The following MYO1E variants were observed in gnomAD, a reference collection of about 807,000 sequenced individuals.
MYO1E encodes the protein myosin IE, also known as unconventional myosin-Ie.
In MYO1E, 68 loss-of-function variants were observed where a neutral mutation model predicts 151.1. The observed-to-expected ratio is 0.45, with a 90% confidence interval of 0.37 to 0.55. MYO1E has a LOEUF of 0.55. MYO1E is among the 20% of genes least tolerant of loss of function. The pLI is 0.00. For missense variants in MYO1E, 1,363 were observed against 1,389.3 expected, an observed-to-expected ratio of 0.98 and a Z score of 0.30; for synonymous variants, 601 against 501.7, an observed-to-expected ratio of 1.20 and a Z score of -2.64.
chr15:59,218,030 A>G lies in MYO1E; in HGVS notation c.968T>C (p.Leu323Pro). ...CTTGCTATCCATCTGCCGGCTTGTT[A>G]GCTTTTCTTTCAACCGGTCCTGGTT... ...GINQDRLKEK[L>P]TSRQMDSKWG... is the part of the protein sequence containing the mutation. Residue 323 changes from leucine (L) to proline (P), a missense_variant, in exon 10 of 28, where the codon CTA becomes CCA. By Grantham distance (98) the Leu-to-Pro change is moderately conservative. Coordinates refer to ENST00000288235, the MANE Select transcript of MYO1E (RefSeq NM_004998.4). The G allele has an allele frequency of 6.2e-7, 1 of 1,614,192 alleles. No homozygotes were observed. The highest frequency in any genetic ancestry group is 8.5e-7 in the Non-Finnish European group (1 of 1,180,034).
intron 4 of MYO1E, among the ~76,000 whole-genome samples, chr15:59,248,859 T>G (rs2080146986): frequency 6.6e-6 from 1 of 152,202 alleles, no homozygotes. Context: ...AATTCACCCC[T>G]CTATCCAGCG....
chr15:59,174,289 C>A, intron 19 of MYO1E, 49 bp from the exon 20 acceptor site: 1 of 1,320,440 alleles, frequency 7.6e-7, no homozygotes, highest in Non-Finnish European at 1.1e-6. Flanking sequence ...AGCCCCAATC[C>A]CTGAACAACA....
At chr15:59,215,615 A>C (rs1301818866) in intron 10 of MYO1E, among the ~76,000 whole-genome samples, 5 of 152,210 alleles carry the variant, frequency 3.3e-5, no homozygotes, top group African/African-American at 9.6e-5. Context: ...TACCTGGACG[A>C]ATTCTGAAGT....
At chr15:59,183,197 G>T (rs1183506368) in intron 18 of MYO1E, among the ~76,000 whole-genome samples, 1 of 152,112 alleles carries the variant, frequency 6.6e-6, no homozygotes, top group Non-Finnish European at 1.5e-5. Flanking sequence ...CTGCTCTCCT[G>T]AGATGGCAGC....
intron 1 of MYO1E, among the ~76,000 whole-genome samples, chr15:59,362,959 C>T (rs1342415338): frequency 6.7e-6 from 1 of 148,948 alleles, no homozygotes; most frequent in Admixed American, 6.8e-5. Context: ...GATTAGAGAG[C>T]CTTCTAGTAT....
chr15:59,205,950 G>T (rs1193103641), intron 14 of MYO1E, among the ~76,000 whole-genome samples: 1 of 152,138 alleles, frequency 6.6e-6, no homozygotes, highest in African/African-American at 2.4e-5. Context: ...CCCAGAAGTG[G>T]TATCAAAGTT....
At chr15:59,171,871 C>T in intron 22 of MYO1E, 26 bp downstream of exon 22, 1 of 1,614,070 alleles carries the variant, frequency 6.2e-7, no homozygotes, top group Non-Finnish European at 8.5e-7. Flanking sequence ...AAGGGGCAGT[C>T]CTGCCTCTGC....
intron 27 of MYO1E, among the ~76,000 whole-genome samples, chr15:59,137,699 T>C (rs1036946584): frequency 6.6e-6 from 1 of 152,204 alleles, no homozygotes; most frequent in African/African-American, 2.4e-5. Context: ...TTCCACTCCA[T>C]CCACTTTCAT....
chr15:59,184,595 A>C (rs1464018818), intron 18 of MYO1E, among the ~76,000 whole-genome samples: 5 of 151,992 alleles, frequency 3.3e-5, no homozygotes, highest in African/African-American at 1.2e-4. Flanking sequence ...TTGTGATCTC[A>C]AGTGATCTGC....
At position 59,209,815 on chromosome 15, in the gene MYO1E, C is replaced by CTTTTTTTTTTTTTTTTTTTTTTTTTTTT. The variant is rs71119441; in HGVS notation, c.1362+671_1362+698dup. On this transcript the variant is annotated intron_variant, in intron 13 of 27. Coordinates refer to ENST00000288235, the MANE Select transcript of MYO1E (RefSeq NM_004998.4). ...CTGTATCACTTTTATTTTGAATCAC[C>CTTTTTTTTTTTTTTTTTTTTTTTTTTTT]TTTTTTTTTTTTTTTTTTTTTTTTT... is the stretch of plus-strand genomic sequence containing the variant. Among the ~76,000 whole-genome samples the CTTTTTTTTTTTTTTTTTTTTTTTTTTTT allele has an allele frequency of 4.2e-4, 21 of 49,840 alleles. 4 individuals are homozygous for CTTTTTTTTTTTTTTTTTTTTTTTTTTTT. Among genetic ancestry groups the CTTTTTTTTTTTTTTTTTTTTTTTTTTTT allele is most frequent in the African/African-American group, 6.0e-4 (6 of 9,958 alleles). The allele number at this position is 49,840 out of a possible 152,430, so 32.7% of individuals were successfully genotyped here.
rs559708361 is a variant in MYO1E at position 59,279,317 on chromosome 15, G to T, written c.4-6868C>A. ...AAGAGCTGGCCCCCGGTGGAGAAGT[G>T]TTCCACCACTAGAGCAAACATATAA... On this transcript the variant is annotated intron_variant, in intron 1 of 27. Transcript: ENST00000288235. 3.3e-5 allele frequency among the ~76,000 whole-genome samples: 5 copies of T among 152,232 alleles called. No homozygotes were observed. In the South Asian group the frequency reaches 1.0e-3, roughly 32 times the overall value.
At chr15:59,277,667 A>G (rs772486384) in intron 1 of MYO1E, among the ~76,000 whole-genome samples, 1 of 152,186 alleles carries the variant, frequency 6.6e-6, no homozygotes, top group Non-Finnish European at 1.5e-5. Context: ...AAGGTTGTTC[A>G]CTGTAGCAAA....
chr15:59,195,357 C>T, intron 17 of MYO1E, 104 bp downstream of exon 17: 1 of 994,510 alleles, frequency 1.0e-6, no homozygotes, highest in Admixed American at 1.8e-5. Flanking sequence ...ATGACAAAGA[C>T]ATGTGCGGAC....
intron 14 of MYO1E, chr15:59,207,401 C>T (rs756211974): frequency 1.8e-5 from 29 of 1,613,908 alleles, no homozygotes; most frequent in South Asian, 3.3e-5. Flanking sequence ...AAGGGAGAAA[C>T]GCGCCTTAAT....
chr15:59,322,010 C>CA (rs754593990), intron 1 of MYO1E, among the ~76,000 whole-genome samples: 1 of 151,896 alleles, frequency 6.6e-6, no homozygotes, highest in Admixed American at 6.6e-5. Context: ...CCCAACTTTA[C>CA]AAAAGTACGA....
intron 1 of MYO1E, among the ~76,000 whole-genome samples, chr15:59,312,410 C>T (rs918240062): frequency 5.9e-5 from 9 of 152,070 alleles, no homozygotes; most frequent in Admixed American, 2.0e-4. Context: ...GCCACTGGGA[C>T]GAGGGGGACT....
chr15:59,333,665 C>T (rs548023524), intron 1 of MYO1E, among the ~76,000 whole-genome samples: 25 of 152,316 alleles, frequency 1.6e-4, no homozygotes, highest in African/African-American at 5.5e-4. Context: ...TTCCTCTGAG[C>T]AAATGGACTT....
At chr15:59,254,746 T>C (rs762565540) in intron 4 of MYO1E, among the ~76,000 whole-genome samples, 1 of 152,178 alleles carries the variant, frequency 6.6e-6, no homozygotes, top group Non-Finnish European at 1.5e-5. Context: ...TATGATAAGA[T>C]TGTGAACTGT....
intron 1 of MYO1E, among the ~76,000 whole-genome samples, chr15:59,305,295 G>A (rs2080508274): frequency 6.6e-6 from 1 of 152,186 alleles, no homozygotes. Context: ...CCGGGATCAA[G>A]CAATCCTCCC....
Sources: gnomAD v4.1 joint callset for allele counts (sites outside exome capture counted in the v4.1 genomes callset) on GRCh38, gnomAD v4.1.1 for gene constraint, MANE v1.5 for transcripts, NCBI Gene and HGNC (gene_info 2026-07-23, HGNC 2026-07-21) for gene names.